The following NTRK3 variants were observed in gnomAD, a reference collection of about 807,000 sequenced individuals.
NTRK3 encodes NT-3 growth factor receptor.
A neutral mutation model predicts 91.7 loss-of-function variants in NTRK3; 24 were observed. That is an observed-to-expected ratio of 0.26 (90% CI 0.19 to 0.37). The LOEUF (loss-of-function observed/expected upper bound fraction) is 0.37, where lower values mean the gene tolerates loss of function less well. Ranked by LOEUF, NTRK3 falls within the 10% of genes least tolerant of loss-of-function variation. The probability of loss-of-function intolerance (pLI) is 1.00; values close to 1 mark genes in which losing one functional copy is unlikely to be tolerated. For missense variants in NTRK3, 880 were observed against 1,068.9 expected (o/e 0.82, Z 2.46); for synonymous variants, 483 against 404.0 (o/e 1.20, Z -2.34).
intron 16 of NTRK3, among the ~76,000 whole-genome samples, chr15:87,932,294 A>C (rs1339478856): frequency 6.6e-6 from 1 of 152,218 alleles, no homozygotes; most frequent in African/African-American, 2.4e-5. Context: ...CTTTCTATTG[A>C]TGGAAACATT....
chr15:87,956,565 T>C (rs962357128), intron 14 of NTRK3, among the ~76,000 whole-genome samples: 1 of 151,058 alleles, frequency 6.6e-6, no homozygotes, highest in Admixed American at 6.6e-5. Flanking sequence ...TGAGCCACAA[T>C]GCCCGGCCTT....
At chr15:87,903,172 G>A (rs955706099) in intron 17 of NTRK3, among the ~76,000 whole-genome samples, 2 of 152,272 alleles carry the variant, frequency 1.3e-5, no homozygotes, top group Non-Finnish European at 1.5e-5. Context: ...AGGCTCAAGA[G>A]AGGTGGGCAC....
chr15:88,088,851 C>T (rs1179245720), intron 13 of NTRK3, among the ~76,000 whole-genome samples: 4 of 152,128 alleles, frequency 2.6e-5, no homozygotes, highest in African/African-American at 7.2e-5. Flanking sequence ...CCCCGTTCTC[C>T]AGCTGTGTGA....
At chr15:88,153,048 A>T (rs2043538529) in intron 5 of NTRK3, among the ~76,000 whole-genome samples, 1 of 152,192 alleles carries the variant, frequency 6.6e-6, no homozygotes. Context: ...CATCCAGCAC[A>T]GCTAACCAGA....
intron 6 of NTRK3, among the ~76,000 whole-genome samples, chr15:88,145,941 G>C (rs944634145): frequency 1.3e-5 from 2 of 152,116 alleles, no homozygotes; most frequent in African/African-American, 2.4e-5. Flanking sequence ...TCAAAGCTTT[G>C]GGTCCACACA....
rs118021257 is a variant in NTRK3 at position 87,925,721 on chromosome 15, T to C, written c.2133+3470A>G. 9.4e-3 allele frequency: 1,720 copies of C among 183,090 alleles called. 12 individuals carry two copies. Among genetic ancestry groups the C allele is most frequent in the Non-Finnish European group, 0.015 (1,278 of 85,876 alleles). 11.3% of individuals were successfully genotyped at this position (183,090 alleles called of 1,614,324 possible). On this transcript the variant is annotated intron_variant, in intron 17 of 18. Transcript: ENST00000394480. ...AATGTGGACTTAGCTCTAGGATTCA[T>C]GAGCAGTATTTCCATACATGTTGAA...
At chr15:88,176,976 G>A (rs2151555643) in intron 5 of NTRK3, among the ~76,000 whole-genome samples, 1 of 152,310 alleles carries the variant, frequency 6.6e-6, no homozygotes, top group African/African-American at 2.4e-5. Context: ...AGTAGCATTT[G>A]GGTGAATGAT....
rs923834443 is a variant in NTRK3, at chr15:87,901,761, G to A, written c.2134-21333C>T. 1.3e-3 allele frequency among the ~76,000 whole-genome samples: 201 copies of A among 150,294 alleles called. 3 individuals carry two copies. The highest frequency in any genetic ancestry group is 4.8e-3 in the African/African-American group (191 of 39,950). ...AGGAAGAAAGGAAGGAGGAAAGTTG[G>A]GGAGGGGGGGAGAGGGGGAGAAAGG... On this transcript the variant is annotated intron_variant, in intron 17 of 18. Coordinates refer to ENST00000394480, the Ensembl canonical transcript of NTRK3.
intron 13 of NTRK3, among the ~76,000 whole-genome samples, chr15:88,105,534 G>A (rs975561017): frequency 6.6e-6 from 1 of 152,168 alleles, no homozygotes; most frequent in Non-Finnish European, 1.5e-5. Flanking sequence ...CCCTACTATT[G>A]GTGTAGTACA....
intron 13 of NTRK3, among the ~76,000 whole-genome samples, chr15:88,097,522 C>A (rs111417233): frequency 1.6e-4 from 24 of 152,302 alleles, no homozygotes; most frequent in African/African-American, 5.3e-4. Context: ...TGTTTATCCT[C>A]ACGCTTAATA....
chr15:88,180,439 G>T (rs981325057), intron 5 of NTRK3, among the ~76,000 whole-genome samples: 1 of 152,148 alleles, frequency 6.6e-6, no homozygotes, highest in Non-Finnish European at 1.5e-5. Flanking sequence ...ATGACGTAAG[G>T]CCCAAGAGTC....
rs370634108 is a variant in NTRK3 at position 87,986,896 on chromosome 15, C to T, written c.1585+45961G>A. ...TCTGCCAGTATAGTCTGAAGGCAGC[C>T]ACAGACAACACATAAACAAATGAGA... On this transcript the variant is annotated intron_variant, in intron 14 of 18. Transcript: ENST00000394480. 1.1e-4 allele frequency among the ~76,000 whole-genome samples: 17 copies of T among 152,336 alleles called. No individual in the cohort carries two copies. The East Asian group carries it at 2.3e-3, about 21-fold the overall frequency.
rs553999544 is a variant in NTRK3, at chr15:88,027,380, GTTTCTT to G, written c.1585+5471_1585+5476del. Among the ~76,000 whole-genome samples the G allele has an allele frequency of 1.3e-4, 20 of 152,146 alleles. No homozygotes were observed. The South Asian group carries it at 1.9e-3, about 14-fold the overall frequency. On this transcript the variant is annotated intron_variant, in intron 14 of 18. Transcript: ENST00000394480. ...AGTATTTTCCTTTTCCTCTCTGTGA[GTTTCTT>G]TTTCTTTTTCTTTTGAGACAGAGTC...
chr15:88,160,159 C>T (rs78398392), intron 5 of NTRK3, among the ~76,000 whole-genome samples: 1,843 of 152,226 alleles, frequency 0.012, 22 homozygotes, highest in African/African-American at 0.042. Flanking sequence ...GAGTGAGACC[C>T]AAAGCTGGAG....
At chr15:87,921,337 T>C (rs962053741) in intron 17 of NTRK3, among the ~76,000 whole-genome samples, 2 of 152,316 alleles carry the variant, frequency 1.3e-5, no homozygotes, top group African/African-American at 4.8e-5. Context: ...ACTTCTTCAT[T>C]GGTGCCTGGG....
intron 14 of NTRK3, among the ~76,000 whole-genome samples, chr15:87,967,419 GGAGA>G (rs1413320133): frequency 6.6e-6 from 1 of 152,178 alleles, no homozygotes. Flanking sequence ...GCCCAGCTTA[GGAGA>G]AAGAGGAAGG....
intron 5 of NTRK3, among the ~76,000 whole-genome samples, chr15:88,161,136 G>C (rs948053396): frequency 6.6e-6 from 1 of 152,196 alleles, no homozygotes; most frequent in Non-Finnish European, 1.5e-5. Context: ...CAAACATGGT[G>C]ATTGCTCTTG....
At chr15:88,080,717 G>C (rs1179911214) in intron 13 of NTRK3, among the ~76,000 whole-genome samples, 1 of 152,216 alleles carries the variant, frequency 6.6e-6, no homozygotes, top group Non-Finnish European at 1.5e-5. Context: ...TGGAAGGCAG[G>C]AGCAAAGACC....
chr15:87,885,486 A>C (rs1178530487), intron 17 of NTRK3, among the ~76,000 whole-genome samples: 3 of 152,086 alleles, frequency 2.0e-5, no homozygotes, highest in South Asian at 2.1e-4. Context: ...GAGTTACTCT[A>C]TCAGATAGCA....
Sources: allele counts gnomAD v4.1 joint callset (sites outside exome capture counted in the v4.1 genomes callset), GRCh38; gene constraint gnomAD v4.1.1; transcripts MANE v1.5; gene names NCBI Gene and HGNC (gene_info 2026-07-23, HGNC 2026-07-21).